ANK3: variants seen among roughly 807,000 people sequenced by gnomAD.
The protein encoded by ANK3 is ankyrin 3.
Under a neutral mutation model 370.9 loss-of-function variants are expected in ANK3, and 57 were observed. That is an observed-to-expected ratio of 0.15 (90% CI 0.12 to 0.19). The LOEUF (loss-of-function observed/expected upper bound fraction) is 0.19, where lower values mean the gene tolerates loss of function less well. ANK3 is among the 10% of genes least tolerant of loss of function. ANK3 has a pLI of 1.00. For synonymous variants in ANK3, 1,929 were observed against 1,946.3 expected (o/e 0.99, Z 0.23); for missense variants, 4,439 against 5,302.1 (o/e 0.84, Z 5.06).
chr10:60,393,647 T>C (rs1303121349), upstream of ANK3, among the ~76,000 whole-genome samples: 1 of 152,188 alleles, frequency 6.6e-6, no homozygotes, highest in African/African-American at 2.4e-5. Context: ...CCCGCTCATT[T>C]TTCACATACA....
At chr10:60,685,044 G>T in intron 1 of ANK3, 1 of 1,434,742 alleles carries the variant, frequency 7.0e-7, no homozygotes, top group South Asian at 1.2e-5. Flanking sequence ...AAGGACTTGA[G>T]AAACTGCATG....
chr10:60,253,831 TA>T (rs796415016), intron 7 of ANK3, among the ~76,000 whole-genome samples: 96 of 152,318 alleles, frequency 6.3e-4, no homozygotes, highest in African/African-American at 2.3e-3. Context: ...ATAAACCTAT[TA>T]AAAAATATGT....
intron 1 of ANK3, among the ~76,000 whole-genome samples, chr10:60,306,428 CAT>C (rs753175801): frequency 6.3e-4 from 70 of 111,954 alleles, no homozygotes; most frequent in East Asian, 5.3e-3. Context: ...GGTGTATGTG[CAT>C]ATATATATAT....
chr10:60,054,885 G>A (rs2078845591), intron 42 of ANK3, among the ~76,000 whole-genome samples: 1 of 152,018 alleles, frequency 6.6e-6, no homozygotes, highest in Non-Finnish European at 1.5e-5. Flanking sequence ...AAACAGAGCT[G>A]CTTTTTATTT....
chr10:60,367,004 C>T (rs2059471237), intron 1 of ANK3, among the ~76,000 whole-genome samples: 2 of 152,256 alleles, frequency 1.3e-5, no homozygotes, highest in South Asian at 4.1e-4. Context: ...ATTTTACTCT[C>T]CAAGGAGAGA....
intron 1 of ANK3, among the ~76,000 whole-genome samples, chr10:60,346,959 T>C (rs2055674576): frequency 1.4e-5 from 1 of 70,702 alleles, no homozygotes; most frequent in South Asian, 1.5e-3. Context: ...ATTTCATACA[T>C]AAGAGTCTTT....
At chr10:60,419,431 T>C (rs781019015) in intron 2 of ANK3, among the ~76,000 whole-genome samples, 79 of 152,270 alleles carry the variant, frequency 5.2e-4, no homozygotes, top group Non-Finnish European at 7.1e-4. Context: ...TACCTGGCCC[T>C]ATCCTGCATC....
chr10:60,171,382 G>A (rs1461690654), intron 21 of ANK3, among the ~76,000 whole-genome samples: 2 of 152,214 alleles, frequency 1.3e-5, no homozygotes, highest in African/African-American at 2.4e-5. Flanking sequence ...TAGTTACAGA[G>A]ACCTTCAACC....
At chr10:60,417,454 G>A (rs889465432) in intron 2 of ANK3, among the ~76,000 whole-genome samples, 1 of 152,124 alleles carries the variant, frequency 6.6e-6, no homozygotes, top group African/African-American at 2.4e-5. Context: ...TGGTTTCCTG[G>A]GAATGGAGGA....
rs1236644890 is a variant in ANK3 at position 60,512,202 on chromosome 10, AAAC to A, written c.96+102981_96+102983del. On this transcript the variant is annotated intron_variant, in intron 2 of 43. Coordinates refer to the ANK3 transcript ENST00000373827. Reference sequence around the variant, plus strand: ...AGAAGTCAGGGAAGTAAATAAAACAAAACAAAAACCAAAACCATAAAAACAGAA... The same window carrying A: ...AGAAGTCAGGGAAGTAAATAAAACAAAAAAACCAAAACCATAAAAACAGAA... Among the ~76,000 whole-genome samples, 12 of 152,268 alleles carry A rather than the reference AAAC, an allele frequency of 7.9e-5. No homozygotes were observed. The East Asian group carries it at 2.3e-3, about 29-fold the overall frequency.
At chr10:60,332,310 A>G (rs2051541824) in intron 1 of ANK3, among the ~76,000 whole-genome samples, 1 of 152,216 alleles carries the variant, frequency 6.6e-6, no homozygotes. Flanking sequence ...AATTATACGC[A>G]TAATATTTAA....
At chr10:60,409,200 A>T (rs769508261) in intron 2 of ANK3, among the ~76,000 whole-genome samples, 2 of 152,212 alleles carry the variant, frequency 1.3e-5, no homozygotes, top group Admixed American at 1.3e-4. Context: ...CCTTCATGCC[A>T]CGTATTATCA....
At position 60,072,147 on chromosome 10, in the gene ANK3, A is replaced by G. The variant is rs1185275671; in HGVS notation, c.8734T>C (p.Ser2912Pro). Residue 2912 changes from serine (S) to proline (P), a missense_variant, in exon 37 of 44, where the codon TCT (serine) becomes CCT (proline). Physicochemically the swap from Ser to Pro is moderately conservative, Grantham distance 74 (BLOSUM62 -1). Transcript: ENST00000280772. Reference protein sequence around the residue: ...ERERKLLTNGSLSEIKEMTVK... With the variant: ...ERERKLLTNGPLSEIKEMTVK... ...GTCATTTCTTTAATTTCTGAGAGAG[A>G]GCCGTTTGTTAACAATTTGCGTTCT... The G allele has an allele frequency of 6.2e-7, 1 of 1,613,862 alleles. No homozygotes were observed. The highest frequency in any genetic ancestry group is 1.1e-5 in the South Asian group (1 of 91,050).
intron 1 of ANK3, among the ~76,000 whole-genome samples, chr10:60,314,381 G>A (rs1471246): frequency 0.57 from 86,202 of 152,000 alleles, 25,184 homozygotes; most frequent in South Asian, 0.77. Context: ...TTACTACTGT[G>A]TTATACTGGA....
At chr10:60,324,502 A>C (rs894704349) in intron 1 of ANK3, among the ~76,000 whole-genome samples, 2 of 152,144 alleles carry the variant, frequency 1.3e-5, no homozygotes, top group South Asian at 4.1e-4. Flanking sequence ...AATTCCCTGA[A>C]CTTTCAACCT....
intron 43 of ANK3, among the ~76,000 whole-genome samples, chr10:60,040,486 C>T (rs2075890605): frequency 1.3e-5 from 2 of 152,164 alleles, no homozygotes; most frequent in African/African-American, 4.8e-5. Flanking sequence ...ACTGTTCTTT[C>T]AATCTGACAC....
In ANK3 at chr10:60,026,936, ATAT is replaced by A. The variant is rs2072431173; in HGVS notation, c.*2907_*2909del. 6.6e-6 allele frequency: 1 copy of A among 152,236 alleles called. No individual in the cohort carries two copies. Among genetic ancestry groups the A allele is most frequent in the Non-Finnish European group, 1.5e-5 (1 of 68,054 alleles). 9.4% of individuals were successfully genotyped at this position (152,236 alleles called of 1,614,324 possible). A position where few individuals can be genotyped will look rare whatever the true frequency, so the allele number is the denominator to read the frequency against. On this transcript the variant is annotated 3_prime_UTR_variant, in exon 44 of 44. Transcript: ENST00000280772. ...ACATATTTATAAGCTGGCAGGCCAAATATTATGTTAGAAATACATAATGTCACA... is the reference window on the plus strand; with the variant it reads ...ACATATTTATAAGCTGGCAGGCCAAATATGTTAGAAATACATAATGTCACA...
At chr10:60,177,000 T>A (rs186373263) in intron 18 of ANK3, among the ~76,000 whole-genome samples, 1 of 152,272 alleles carries the variant, frequency 6.6e-6, no homozygotes, top group East Asian at 1.9e-4. Context: ...TTCCAGCTCA[T>A]CCTCCCTACA....
chr10:60,167,639 C>T (rs918885276), intron 21 of ANK3, among the ~76,000 whole-genome samples: 1 of 151,216 alleles, frequency 6.6e-6, no homozygotes, highest in African/African-American at 2.5e-5. Context: ...ATCTTAATGA[C>T]CTTAGTTTAA....
Sources: allele counts gnomAD v4.1 joint callset (sites outside exome capture counted in the v4.1 genomes callset), GRCh38; gene constraint gnomAD v4.1.1; transcripts MANE v1.5; gene names NCBI Gene and HGNC (gene_info 2026-07-23, HGNC 2026-07-21).